The following PTPRD variants were observed in gnomAD, a reference collection of about 807,000 sequenced individuals.
The protein encoded by PTPRD is protein tyrosine phosphatase receptor type D, also known as receptor-type tyrosine-protein phosphatase delta.
In PTPRD, 34 loss-of-function variants were observed where a neutral mutation model predicts 214.5. That is an observed-to-expected ratio of 0.16 (90% CI 0.12 to 0.21). PTPRD has a LOEUF of 0.21. Among genes scored for constraint, PTPRD ranks in the 10% least tolerant of loss-of-function variants. The pLI is 1.00. For synonymous variants in PTPRD, 1,128 were observed against 845.7 expected, an observed-to-expected ratio of 1.33 and a Z score of -5.79; for missense variants, 2,545 against 2,398.7, an observed-to-expected ratio of 1.06 and a Z score of -1.27.
chr9:9,565,414 C>A (rs2084210657), intron 8 of PTPRD, among the ~76,000 whole-genome samples: 1 of 151,714 alleles, frequency 6.6e-6, no homozygotes, highest in South Asian at 2.1e-4. Context: ...ATGATGTAAT[C>A]TAAATGCAAA....
chr9:9,428,841 T>C (rs150704968), intron 8 of PTPRD, among the ~76,000 whole-genome samples: 18 of 152,310 alleles, frequency 1.2e-4, no homozygotes, highest in African/African-American at 4.1e-4. Flanking sequence ...AATAAAGATG[T>C]TCTTTGAAAC....
intron 6 of PTPRD, among the ~76,000 whole-genome samples, chr9:9,740,024 C>G (rs2098375536): frequency 6.6e-6 from 1 of 152,134 alleles, no homozygotes; most frequent in South Asian, 2.1e-4. Context: ...AGCACTTACT[C>G]TATGTAATCT....
intron 11 of PTPRD, among the ~76,000 whole-genome samples, chr9:8,831,271 T>C (rs1272237608): frequency 6.6e-6 from 1 of 152,228 alleles, no homozygotes; most frequent in Non-Finnish European, 1.5e-5. Context: ...TTATCTTTGT[T>C]AGGTCTACCT....
At chr9:9,109,749 C>A (rs113958669) in intron 10 of PTPRD, among the ~76,000 whole-genome samples, 1 of 151,930 alleles carries the variant, frequency 6.6e-6, no homozygotes, top group Non-Finnish European at 1.5e-5. Context: ...CATCTTTCTG[C>A]GAATGAAATA....
At chr9:9,997,710 G>A (rs34980059) in intron 4 of PTPRD, among the ~76,000 whole-genome samples, 20,599 of 151,928 alleles carry the variant, frequency 0.14, 1,546 homozygotes, top group African/African-American at 0.19. Context: ...TTTTTTTCTA[G>A]CAGAAAGGCA....
chr9:10,173,994 G>A (rs1016048455), intron 3 of PTPRD, among the ~76,000 whole-genome samples: 7 of 152,132 alleles, frequency 4.6e-5, no homozygotes, highest in African/African-American at 1.7e-4. Context: ...CCAGCCATAT[G>A]TGTATGCATA....
chr9:10,139,152 C>A (rs2098964080), intron 3 of PTPRD, among the ~76,000 whole-genome samples: 1 of 152,002 alleles, frequency 6.6e-6, no homozygotes, highest in African/African-American at 2.4e-5. Context: ...CAGGAAGATT[C>A]CCCCAAAAGG....
intron 4 of PTPRD, among the ~76,000 whole-genome samples, chr9:9,956,233 A>G (rs571382893): frequency 1.3e-5 from 2 of 152,064 alleles, no homozygotes; most frequent in East Asian, 3.9e-4. Context: ...AAATAATGTA[A>G]AAGAGATTAA....
intron 3 of PTPRD, among the ~76,000 whole-genome samples, chr9:10,074,370 A>T (rs1323359816): frequency 6.6e-6 from 1 of 152,120 alleles, no homozygotes; most frequent in East Asian, 1.9e-4. Flanking sequence ...GTCTAGAAAC[A>T]CAGAAATAAA....
chr9:8,433,598 A>T (rs1021081273), intron 35 of PTPRD, among the ~76,000 whole-genome samples: 1 of 152,198 alleles, frequency 6.6e-6, no homozygotes, highest in African/African-American at 2.4e-5. Flanking sequence ...ATGTCTTTGC[A>T]ACTTAGTTTT....
At chr9:8,620,233 G>A (rs2095773330) in intron 14 of PTPRD, among the ~76,000 whole-genome samples, 1 of 151,926 alleles carries the variant, frequency 6.6e-6, no homozygotes, top group South Asian at 2.1e-4. Context: ...TAGAGGTTCT[G>A]TATCATTTGC....
chr9:9,428,696 A>C (rs887109510), intron 8 of PTPRD, among the ~76,000 whole-genome samples: 1 of 152,196 alleles, frequency 6.6e-6, no homozygotes, highest in African/African-American at 2.4e-5. Context: ...AAATTATAAC[A>C]AACTGTCTCT....
chr9:10,589,133 A>G (rs1467357369), intron 2 of PTPRD, among the ~76,000 whole-genome samples: 1 of 152,076 alleles, frequency 6.6e-6, no homozygotes, highest in Non-Finnish European at 1.5e-5. Context: ...AGTTGAAATC[A>G]TATCTAATTG....
chr9:9,172,306 T>G (rs1165374590), intron 10 of PTPRD, among the ~76,000 whole-genome samples: 3 of 152,134 alleles, frequency 2.0e-5, no homozygotes, highest in Admixed American at 2.0e-4. Flanking sequence ...AAAATGTACT[T>G]TCCCTAAAGA....
intron 14 of PTPRD, among the ~76,000 whole-genome samples, chr9:8,557,650 G>C (rs1377079419): frequency 6.7e-6 from 1 of 148,838 alleles, no homozygotes; most frequent in African/African-American, 2.5e-5. Flanking sequence ...GGCTGAGGCA[G>C]GGGAATCGCT....
rs146351330 is a variant in PTPRD, at chr9:9,850,465, G to A, written c.-367-83614C>T. On this transcript the variant is annotated intron_variant, in intron 5 of 45. Coordinates refer to ENST00000381196, the MANE Select transcript of PTPRD (RefSeq NM_002839.4). ...TACATGAGCTTAAGCAACATTTTCT[G>A]GAGTCATGTGATGAATTTCAGATAA... Among the ~76,000 whole-genome samples, 1,114 of 152,126 alleles carry A rather than the reference G, an allele frequency of 7.3e-3. 11 individuals carry two copies. Among genetic ancestry groups the A allele is most frequent in the African/African-American group, 0.022 (902 of 41,506 alleles).
chr9:8,502,381 T>G (rs2137077545), intron 23 of PTPRD, among the ~76,000 whole-genome samples: 1 of 152,140 alleles, frequency 6.6e-6, no homozygotes, highest in Non-Finnish European at 1.5e-5. Context: ...ACTTTGTGAC[T>G]CTTAACATTA....
intron 14 of PTPRD, among the ~76,000 whole-genome samples, chr9:8,571,943 T>A (rs1365718064): frequency 1.3e-5 from 2 of 152,122 alleles, no homozygotes; most frequent in Non-Finnish European, 2.9e-5. Flanking sequence ...GATGATTGCA[T>A]GGCAGAGGAA....
chr9:10,514,248 A>G (rs1555457611), intron 2 of PTPRD, among the ~76,000 whole-genome samples: 1 of 151,962 alleles, frequency 6.6e-6, no homozygotes, highest in Non-Finnish European at 1.5e-5. Context: ...ATACTTCTAA[A>G]CTCTGCATAT....
Sources: gnomAD v4.1 joint callset for allele counts (sites outside exome capture counted in the v4.1 genomes callset) on GRCh38, gnomAD v4.1.1 for gene constraint, MANE v1.5 for transcripts, NCBI Gene and HGNC (gene_info 2026-07-23, HGNC 2026-07-21) for gene names.